Variants in CSMD2 observed in about 807,000 individuals in gnomAD.
CSMD2 encodes CUB and sushi domain-containing protein 2.
In CSMD2, 130 loss-of-function variants were observed where a neutral mutation model predicts 398.5. The ratio of observed to expected loss-of-function variants is 0.33; its 90% CI spans 0.28 to 0.38. The LOEUF (loss-of-function observed/expected upper bound fraction) is 0.38, where lower values mean the gene tolerates loss of function less well. Ranked by LOEUF, CSMD2 falls within the 10% of genes least tolerant of loss-of-function variation. The pLI, the probability that CSMD2 is intolerant of heterozygous loss-of-function variation, is 1.00. For missense variants in CSMD2, 3,829 were observed against 4,764.9 expected, an observed-to-expected ratio of 0.80 and a Z score of 5.78; for synonymous variants, 1,828 against 1,908.5, an observed-to-expected ratio of 0.96 and a Z score of 1.10.
rs7532016 is a variant in CSMD2 at position 33,807,320 on chromosome 1, A to G, written c.1446+3423T>C. 1.8e-3 allele frequency among the ~76,000 whole-genome samples: 267 copies of G among 152,356 alleles called. 1 individual carries two copies. The highest frequency in any genetic ancestry group is 6.2e-3 in the African/African-American group (256 of 41,584). ...GTTCTATGCTTACAGACTGGGTGAC[A>G]GGATCCGTACCCCAACCTCAGCATC... On this transcript the variant is annotated intron_variant, in intron 10 of 70. Transcript: ENST00000373381.
intron 2 of CSMD2, among the ~76,000 whole-genome samples, chr1:34,055,211 AAACT>A (rs1653690706): frequency 6.6e-6 from 1 of 152,184 alleles, no homozygotes. Flanking sequence ...GTAGAAAAAC[AAACT>A]GTTTTTCCTC....
At chr1:34,147,624 G>A (rs965863693) in intron 1 of CSMD2, among the ~76,000 whole-genome samples, 5 of 129,456 alleles carry the variant, frequency 3.9e-5, no homozygotes, top group Non-Finnish European at 6.5e-5. Flanking sequence ...GGAGAGAGAC[G>A]GGGTGACAGC....
chr1:33,685,486 G>A (rs1645036642), intron 25 of CSMD2, among the ~76,000 whole-genome samples: 1 of 152,184 alleles, frequency 6.6e-6, no homozygotes, highest in Admixed American at 6.5e-5. Context: ...TGAACTGAAT[G>A]TTGTTACTGT....
chr1:34,024,729 T>C (rs1030080154), intron 3 of CSMD2, among the ~76,000 whole-genome samples: 3 of 152,206 alleles, frequency 2.0e-5, no homozygotes, highest in African/African-American at 7.2e-5. Flanking sequence ...GAGGAGGGCA[T>C]TGGCCTGCTG....
At position 34,004,144 on chromosome 1, in the gene CSMD2, C is replaced by A. The variant is rs558496032; in HGVS notation, c.517+28450G>T. ...CTGCAGATGTCTGGGGAAATATAAT[C>A]TCTCTCTTTCTCTAGGATCATGTGA... On this transcript the variant is annotated intron_variant, in intron 3 of 70. Coordinates refer to ENST00000373381, the MANE Select transcript of CSMD2 (RefSeq NM_001281956.2). Among the ~76,000 whole-genome samples, 18 of 152,326 alleles carry A rather than the reference C, an allele frequency of 1.2e-4. No homozygotes were observed. In the South Asian group the frequency reaches 2.5e-3, roughly 21 times the overall value.
intron 5 of CSMD2, among the ~76,000 whole-genome samples, chr1:33,898,983 G>C (rs1397175106): frequency 6.6e-6 from 1 of 152,224 alleles, no homozygotes; most frequent in Non-Finnish European, 1.5e-5. Context: ...TCGGTGCAAA[G>C]GCTGGGCTGT....
Position 33,601,005 on chromosome 1 carries a change from C to G in CSMD2, c.6716G>C (p.Gly2239Ala), listed in dbSNP as rs922090999. The G allele has an allele frequency of 1.2e-5, 20 of 1,614,154 alleles. No individual in the cohort carries two copies. The highest frequency in any genetic ancestry group is 1.7e-5 in the Non-Finnish European group (20 of 1,180,040). Residue 2239 changes from glycine to alanine, a missense_variant, in exon 44 of 71, where the codon GGG (glycine) becomes GCG (alanine). Gly to Ala is a moderately conservative substitution (Grantham distance 60). Transcript: ENST00000373381. ...GAGCCGTGGTGCTGTTTGCTGTGGC[C>G]CATCCCTGTACACAGGAAACAAGGT... The part of the protein sequence containing the change: ...PSGDFITIWD[G>A]PQQTAPRLGV...
At chr1:33,844,972 G>A (rs1661212138) in intron 6 of CSMD2, among the ~76,000 whole-genome samples, 1 of 152,194 alleles carries the variant, frequency 6.6e-6, no homozygotes, top group Non-Finnish European at 1.5e-5. Flanking sequence ...TTTAGAGGCT[G>A]CAACTAGCAT....
At chr1:34,120,671 A>G (rs1284766897) in intron 1 of CSMD2, among the ~76,000 whole-genome samples, 1 of 152,084 alleles carries the variant, frequency 6.6e-6, no homozygotes, top group Non-Finnish European at 1.5e-5. Context: ...CAGCCTCCCA[A>G]GTAGCTGGGA....
At chr1:34,069,468 AC>A (rs1469861615) in intron 2 of CSMD2, among the ~76,000 whole-genome samples, 1 of 152,020 alleles carries the variant, frequency 6.6e-6, no homozygotes, top group East Asian at 1.9e-4. Context: ...AATCTTCACA[AC>A]TCTTTTGCAT....
intron 6 of CSMD2, among the ~76,000 whole-genome samples, chr1:33,835,714 C>CAAAAAAA (rs113819483): frequency 7.4e-6 from 1 of 135,162 alleles, no homozygotes; most frequent in Non-Finnish European, 1.6e-5. Context: ...AAATACATTT[C>CAAAAAAA]AAAAAAAAAA....
chr1:33,862,863 A>C (rs1211888741), intron 5 of CSMD2: 1 of 152,236 alleles, frequency 6.6e-6, no homozygotes, highest in African/African-American at 2.4e-5. Context: ...TTTCTTTTAC[A>C]GAAGATGAAC....
chr1:33,560,812 C>A (rs1658468585), intron 53 of CSMD2, among the ~76,000 whole-genome samples: 1 of 152,216 alleles, frequency 6.6e-6, no homozygotes, highest in Non-Finnish European at 1.5e-5. Context: ...ATTGCTGCAT[C>A]CTTGGTGTAT....
At chr1:33,569,287 GT>G in intron 52 of CSMD2, 86 bp downstream of exon 52, 1 of 1,382,036 alleles carries the variant, frequency 7.2e-7, no homozygotes, top group Non-Finnish European at 9.9e-7. Flanking sequence ...AAATGATACT[GT>G]TTAAAGACTG....
At chr1:33,831,600 C>A (rs534792446) in intron 6 of CSMD2, among the ~76,000 whole-genome samples, 1 of 151,972 alleles carries the variant, frequency 6.6e-6, no homozygotes, top group African/African-American at 2.4e-5. Context: ...GAAACTGCAT[C>A]AACTAACGAG....
chr1:33,989,878 T>G (rs1354944048), intron 3 of CSMD2, among the ~76,000 whole-genome samples: 2 of 152,066 alleles, frequency 1.3e-5, no homozygotes, highest in Non-Finnish European at 2.9e-5. Context: ...AAAGAAACTT[T>G]TGGGGGCGAT....
chr1:33,957,725 C>A (rs532296819), intron 3 of CSMD2, among the ~76,000 whole-genome samples: 9 of 152,290 alleles, frequency 5.9e-5, no homozygotes, highest in African/African-American at 2.2e-4. Flanking sequence ...ACAGAAGGGG[C>A]AGCTGAGAGA....
At chr1:33,726,107 C>T (rs1646520155) in intron 16 of CSMD2, among the ~76,000 whole-genome samples, 1 of 152,192 alleles carries the variant, frequency 6.6e-6, no homozygotes, top group Non-Finnish European at 1.5e-5. Flanking sequence ...ACGTTCTCCA[C>T]CCAAGGGGCA....
chr1:33,857,204 G>A (rs552839691), intron 5 of CSMD2, among the ~76,000 whole-genome samples: 3 of 152,130 alleles, frequency 2.0e-5, no homozygotes, highest in Admixed American at 2.0e-4. Flanking sequence ...TCATTGAGTG[G>A]TTAAAAGGTT....
Sources: gnomAD v4.1 joint callset for allele counts (sites outside exome capture counted in the v4.1 genomes callset) on GRCh38, gnomAD v4.1.1 for gene constraint, MANE v1.5 for transcripts, NCBI Gene and HGNC (gene_info 2026-07-23, HGNC 2026-07-21) for gene names.